Variants in ARHGAP15 observed in about 807,000 individuals in gnomAD.
ARHGAP15 encodes rho GTPase-activating protein 15.
A neutral mutation model predicts 63.7 loss-of-function variants in ARHGAP15; 51 were observed. That is an observed-to-expected ratio of 0.80 (90% CI 0.64 to 1.01). The LOEUF is 1.01. ARHGAP15 is among the 50% of genes least tolerant of loss of function. The pLI, the probability that ARHGAP15 is intolerant of heterozygous loss-of-function variation, is 0.00. For missense variants in ARHGAP15, 560 were observed against 564.6 expected, an observed-to-expected ratio of 0.99 and a Z score of 0.08; for synonymous variants, 191 against 193.8, an observed-to-expected ratio of 0.99 and a Z score of 0.12.
At chr2:143,677,993 A>C (rs1353589562) in intron 12 of ARHGAP15, among the ~76,000 whole-genome samples, 1 of 152,206 alleles carries the variant, frequency 6.6e-6, no homozygotes, top group Non-Finnish European at 1.5e-5. Flanking sequence ...AGATCACTTG[A>C]GCCCAGGAGT....
intron 13 of ARHGAP15, among the ~76,000 whole-genome samples, chr2:143,724,627 G>A (rs147146622): frequency 6.6e-6 from 1 of 152,242 alleles, no homozygotes; most frequent in African/African-American, 2.4e-5. Context: ...GTAAGTGGAG[G>A]TGTGATATTA....
intron 9 of ARHGAP15, among the ~76,000 whole-genome samples, chr2:143,510,401 C>A (rs373592579): frequency 6.6e-6 from 1 of 152,100 alleles, no homozygotes; most frequent in Non-Finnish European, 1.5e-5. Flanking sequence ...CAGTCTAGAG[C>A]GATTGATGAC....
At chr2:143,264,276 C>T (rs1471626733) in intron 6 of ARHGAP15, among the ~76,000 whole-genome samples, 1 of 152,004 alleles carries the variant, frequency 6.6e-6, no homozygotes, top group African/African-American at 2.4e-5. Flanking sequence ...ATTAGATATT[C>T]CTTCTCTATT....
At chr2:143,225,469 T>C (rs7599572) in intron 4 of ARHGAP15, among the ~76,000 whole-genome samples, 26,257 of 151,852 alleles carry the variant, frequency 0.17, 2,472 homozygotes, top group Middle Eastern at 0.25. Context: ...GGCGTGTTGG[T>C]GGGCGCCTGT....
intron 12 of ARHGAP15, among the ~76,000 whole-genome samples, chr2:143,624,632 C>T (rs936311541): frequency 2.6e-5 from 4 of 152,080 alleles, no homozygotes; most frequent in Admixed American, 6.6e-5. Flanking sequence ...GAATACAAAG[C>T]GGTCTCGAAA....
chr2:143,342,678 T>C (rs1433011999), intron 6 of ARHGAP15, among the ~76,000 whole-genome samples: 1 of 152,058 alleles, frequency 6.6e-6, no homozygotes, highest in East Asian at 1.9e-4. Flanking sequence ...AATTATTTCT[T>C]TGTTAAGTCT....
chr2:143,489,513 C>CT (rs1449610573), intron 9 of ARHGAP15, among the ~76,000 whole-genome samples: 3 of 152,020 alleles, frequency 2.0e-5, no homozygotes, highest in Admixed American at 6.6e-5. Context: ...TAGCTATGAA[C>CT]TTTTTTTAAG....
At chr2:143,567,713 T>C (rs1294862842) in intron 11 of ARHGAP15, among the ~76,000 whole-genome samples, 2 of 152,168 alleles carry the variant, frequency 1.3e-5, no homozygotes, top group Non-Finnish European at 2.9e-5. Flanking sequence ...CTTATGTGAA[T>C]TATATGAATT....
intron 1 of ARHGAP15, among the ~76,000 whole-genome samples, chr2:143,146,409 T>C (rs1270245156): frequency 6.6e-6 from 1 of 152,030 alleles, no homozygotes; most frequent in African/African-American, 2.4e-5. Context: ...TAGGTTTTCA[T>C]TGATATAAAG....
rs1258998251 is a variant in ARHGAP15 at position 143,162,117 on chromosome 2, A to T, written c.165+6462A>T. 2.0e-5 allele frequency: 3 copies of T among 152,130 alleles called. No individual in the cohort carries two copies. In the East Asian group the frequency reaches 5.8e-4, roughly 30 times the overall value. The allele number at this position is 152,130 out of a possible 1,614,324, so 9.4% of individuals were successfully genotyped here. ...GTGAGAATATAGTTTTATTAAAAAG[A>T]TCTGACAGAAGTCACACGGTGTTTG... is the stretch of plus-strand genomic sequence containing the variant. On this transcript the variant is annotated intron_variant, in intron 2 of 13. Transcript: ENST00000295095.
chr2:143,456,178 C>T (rs1013428278), intron 8 of ARHGAP15, among the ~76,000 whole-genome samples: 2 of 152,046 alleles, frequency 1.3e-5, no homozygotes, highest in Non-Finnish European at 2.9e-5. Flanking sequence ...AATAACTTAG[C>T]CCCTGAAAGT....
At position 143,703,414 on chromosome 2, in the gene ARHGAP15, T is replaced by TC; in HGVS notation, c.1139-3dup. The TC allele has an allele frequency of 1.9e-6, 3 of 1,598,798 alleles. No individual in the cohort carries two copies. The highest frequency in any genetic ancestry group is 2.6e-6 in the Non-Finnish European group (3 of 1,175,540). ...CCTAACCTTCCTTTTTATTTTTTTT[T>TC]CCAGAAAAGCAAGACAACAACACAA... On this transcript the variant is annotated splice_polypyrimidine_tract_variant and splice_region_variant and intron_variant, in intron 12 of 13. Coordinates refer to ENST00000295095, the MANE Select transcript of ARHGAP15 (RefSeq NM_018460.4).
rs181636394 is a variant in ARHGAP15, at chr2:143,576,264, G to A, written c.1003+19779G>A. ...CACTGTGCCTGAGATGCCACAATTTGAAAATCAATTCATTGGCTGAGGCAG... is the reference window on the plus strand; with the variant it reads ...CACTGTGCCTGAGATGCCACAATTTAAAAATCAATTCATTGGCTGAGGCAG... On this transcript the variant is annotated intron_variant, in intron 11 of 13. Coordinates refer to ENST00000295095, the MANE Select transcript of ARHGAP15 (RefSeq NM_018460.4). Among the ~76,000 whole-genome samples, 259 of 152,172 alleles carry A rather than the reference G, an allele frequency of 1.7e-3. 4 individuals carry two copies. Among genetic ancestry groups the A allele is most frequent in the Non-Finnish European group, 3.8e-4 (26 of 67,988 alleles).
chr2:143,494,989 G>C (rs1237414563), intron 9 of ARHGAP15, among the ~76,000 whole-genome samples: 1 of 152,180 alleles, frequency 6.6e-6, no homozygotes, highest in African/African-American at 2.4e-5. Flanking sequence ...GACCAAGCCA[G>C]GCTTGAAGCC....
At chr2:143,162,049 A>G (rs1019013032) in intron 2 of ARHGAP15, 3 of 151,968 alleles carry the variant, frequency 2.0e-5, no homozygotes, top group African/African-American at 7.2e-5. Context: ...AAAATAGTCT[A>G]AAAAATTCAG....
chr2:143,296,487 A>T (rs1682637856), intron 6 of ARHGAP15, among the ~76,000 whole-genome samples: 1 of 152,012 alleles, frequency 6.6e-6, no homozygotes, highest in African/African-American at 2.4e-5. Context: ...GTGCACTTGC[A>T]CCCTAAGAAT....
At chr2:143,486,077 C>T (rs1388138287) in intron 8 of ARHGAP15, among the ~76,000 whole-genome samples, 1 of 152,128 alleles carries the variant, frequency 6.6e-6, no homozygotes, top group Non-Finnish European at 1.5e-5. Flanking sequence ...AATTCCCTTT[C>T]TTTGCCAGTT....
At chr2:143,409,839 T>C (rs1051567706) in intron 6 of ARHGAP15, among the ~76,000 whole-genome samples, 1 of 152,154 alleles carries the variant, frequency 6.6e-6, no homozygotes, top group Non-Finnish European at 1.5e-5. Flanking sequence ...CCATCTAGGT[T>C]TGTGTAAGTG....
chr2:143,537,731 G>C (rs1342426057), intron 10 of ARHGAP15, among the ~76,000 whole-genome samples: 2 of 152,126 alleles, frequency 1.3e-5, no homozygotes, highest in Non-Finnish European at 2.9e-5. Context: ...CTGTTCCATT[G>C]ATCTATATCT....
Sources: gnomAD v4.1 joint callset for allele counts (sites outside exome capture counted in the v4.1 genomes callset) on GRCh38, gnomAD v4.1.1 for gene constraint, MANE v1.5 for transcripts, NCBI Gene and HGNC (gene_info 2026-07-23, HGNC 2026-07-21) for gene names.